The following RANBP9 variants were observed in gnomAD, a reference collection of about 807,000 sequenced individuals.
RANBP9 encodes the protein ran-binding protein 9.
Under a neutral mutation model 84.3 loss-of-function variants are expected in RANBP9, and 15 were observed. The observed-to-expected ratio is 0.18, with a 90% CI of 0.12 to 0.27. The LOEUF (loss-of-function observed/expected upper bound fraction) is 0.27. Among genes scored for constraint, RANBP9 ranks in the 10% least tolerant of loss-of-function variants. The probability of loss-of-function intolerance (pLI) is 1.00; values close to 1 mark genes in which losing one functional copy is unlikely to be tolerated. For synonymous variants in RANBP9, 392 were observed against 349.6 expected (o/e 1.12, Z -1.35); for missense variants, 809 against 912.8 (o/e 0.89, Z 1.46).
intron 5 of RANBP9, among the ~76,000 whole-genome samples, chr6:13,650,307 C>T (rs1284998933): frequency 6.6e-6 from 1 of 151,884 alleles, no homozygotes; most frequent in Non-Finnish European, 1.5e-5. Flanking sequence ...CGGTAGGGTT[C>T]AAATATTCCT....
chr6:13,639,298 C>G (rs368108094), intron 9 of RANBP9, among the ~76,000 whole-genome samples: 8 of 152,172 alleles, frequency 5.3e-5, no homozygotes, highest in African/African-American at 1.9e-4. Context: ...CCTGCCTCAG[C>G]CTCCCGAGTA....
At chr6:13,694,779 C>T (rs763344906) in intron 2 of RANBP9, among the ~76,000 whole-genome samples, 4 of 152,146 alleles carry the variant, frequency 2.6e-5, no homozygotes, top group South Asian at 2.1e-4. Flanking sequence ...AGCATATCAA[C>T]GCTGTATTTA....
At chr6:13,633,420 T>C (rs1764846029) in intron 11 of RANBP9, among the ~76,000 whole-genome samples, 1 of 152,240 alleles carries the variant, frequency 6.6e-6, no homozygotes, top group Admixed American at 6.5e-5. Flanking sequence ...GTAATGACGA[T>C]GATGATGGTT....
chr6:13,696,742 C>T, intron 2 of RANBP9, 43 bp downstream of exon 2: 2 of 1,514,666 alleles, frequency 1.3e-6, no homozygotes, highest in Non-Finnish European at 1.8e-6. Context: ...TGAACCAAAA[C>T]AAAAAAACTA....
At chr6:13,656,510 T>C (rs529657760) in intron 4 of RANBP9, among the ~76,000 whole-genome samples, 1 of 152,314 alleles carries the variant, frequency 6.6e-6, no homozygotes, top group African/African-American at 2.4e-5. Context: ...TTACTATTAG[T>C]CTTACAATGT....
Position 13,710,963 on chromosome 6 carries a change from A to C in RANBP9, c.543T>G (p.Ser181=), listed in dbSNP as rs1007274714. 10 of 1,609,652 alleles carry C rather than the reference A, an allele frequency of 6.2e-6. No homozygotes were observed. In the African/African-American group the frequency reaches 1.1e-4, roughly 17 times the overall value. The change falls in exon 1 of 14, where the codon TCT becomes TCG. Residue 181 remains serine (S), a synonymous_variant. Coordinates refer to ENST00000011619, the MANE Select transcript of RANBP9 (RefSeq NM_005493.3). ...PKDKFSYIGL[S]QNNLRVHYKG... ...TGTAGTGCACCCGCAGGTTGTTCTGAGAGAGGCCGATGTAGCTGAACTTGT... is the reference window on the plus strand; with the variant it reads ...TGTAGTGCACCCGCAGGTTGTTCTGCGAGAGGCCGATGTAGCTGAACTTGT...
intron 2 of RANBP9, among the ~76,000 whole-genome samples, chr6:13,662,218 C>T (rs1584929697): frequency 1.3e-5 from 2 of 152,114 alleles, no homozygotes; most frequent in African/African-American, 4.8e-5. Flanking sequence ...ATCATCCATA[C>T]ATAATGTGCT....
intron 1 of RANBP9, among the ~76,000 whole-genome samples, chr6:13,706,732 T>C (rs955107015): frequency 2.7e-5 from 4 of 150,440 alleles, no homozygotes; most frequent in Non-Finnish European, 5.9e-5. Flanking sequence ...CCAGGCGCAG[T>C]GGCTCATGCC....
chr6:13,629,134 A>G (rs1441951809), intron 12 of RANBP9, among the ~76,000 whole-genome samples: 1 of 152,204 alleles, frequency 6.6e-6, no homozygotes, highest in Non-Finnish European at 1.5e-5. Flanking sequence ...TTTTTGAGAC[A>G]GGGTCTTGCT....
chr6:13,696,757 A>G (rs1392989258), intron 2 of RANBP9, 28 bp downstream of exon 2: 1 of 1,551,504 alleles, frequency 6.4e-7, no homozygotes. Flanking sequence ...AAACTAGCAA[A>G]CGATTTTTCT....
chr6:13,701,781 A>C (rs1036550220), intron 1 of RANBP9, among the ~76,000 whole-genome samples: 3 of 151,950 alleles, frequency 2.0e-5, no homozygotes, highest in African/African-American at 7.2e-5. Context: ...AAAAAAAAAA[A>C]ACCAAAAAAA....
At position 13,632,412 on chromosome 6, in the gene RANBP9, C is replaced by T. The variant is rs777408499; in HGVS notation, c.1905G>A (p.Arg635=). 3 of 1,613,968 alleles carry T rather than the reference C, an allele frequency of 1.9e-6. No individual in the cohort carries two copies. Among genetic ancestry groups the T allele is most frequent in the Non-Finnish European group, 2.5e-6 (3 of 1,179,934 alleles). Residue 635 remains arginine, a synonymous_variant, in exon 12 of 14, where the codon AGG becomes AGA. Coordinates refer to ENST00000011619, the MANE Select transcript of RANBP9 (RefSeq NM_005493.3). The part of the protein sequence containing the change: ...RELQAMSEQL[R]RDCGKNTANK... ...TTGCAGTGTTCTTGCCACAGTCTCT[C>T]CTTAGCTGTTCACTCATTGCTTGCA...
At chr6:13,650,513 A>C (rs1765272860) in intron 5 of RANBP9, among the ~76,000 whole-genome samples, 1 of 152,184 alleles carries the variant, frequency 6.6e-6, no homozygotes, top group African/African-American at 2.4e-5. Flanking sequence ...AGCTGTCATG[A>C]CACAGCTGTC....
intron 7 of RANBP9, among the ~76,000 whole-genome samples, 169 bp downstream of exon 7, chr6:13,642,310 T>A (rs1202162269): frequency 6.6e-6 from 1 of 152,178 alleles, no homozygotes; most frequent in East Asian, 1.9e-4. Flanking sequence ...CCTATGTGAA[T>A]TTTTAAACTG....
At chr6:13,704,785 C>T (rs761111457) in intron 1 of RANBP9, among the ~76,000 whole-genome samples, 3 of 152,170 alleles carry the variant, frequency 2.0e-5, no homozygotes, top group Non-Finnish European at 2.9e-5. Context: ...CCTAGCCCCT[C>T]CCTTTCTCCT....
chr6:13,692,552 A>AAC, intron 2 of RANBP9, among the ~76,000 whole-genome samples: 1 of 147,114 alleles, frequency 6.8e-6, no homozygotes, highest in Non-Finnish European at 1.5e-5. Flanking sequence ...AAAAAAAAAA[A>AAC]AACACAAAAA....
chr6:13,650,134 G>C (rs189797230), intron 5 of RANBP9, among the ~76,000 whole-genome samples: 1 of 150,698 alleles, frequency 6.6e-6, no homozygotes, highest in Admixed American at 6.6e-5. Context: ...TAAATAATGC[G>C]GCAGGGTTTT....
intron 5 of RANBP9, among the ~76,000 whole-genome samples, chr6:13,645,114 T>C (rs1026936595): frequency 6.6e-6 from 1 of 152,222 alleles, no homozygotes; most frequent in African/African-American, 2.4e-5. Context: ...ACATTTTATA[T>C]ATGATACATT....
chr6:13,673,087 T>G (rs1765811870), intron 2 of RANBP9, among the ~76,000 whole-genome samples: 1 of 151,966 alleles, frequency 6.6e-6, no homozygotes, highest in Non-Finnish European at 1.5e-5. Context: ...CATCAAAACA[T>G]CAACACCTCA....
Sources: gnomAD v4.1 joint callset for allele counts (sites outside exome capture counted in the v4.1 genomes callset) on GRCh38, gnomAD v4.1.1 for gene constraint, MANE v1.5 for transcripts, NCBI Gene and HGNC (gene_info 2026-07-23, HGNC 2026-07-21) for gene names.